The following ATP8A2 variants were observed in gnomAD, a reference collection of about 807,000 sequenced individuals.
ATP8A2 encodes phospholipid-transporting ATPase IB.
In ATP8A2, 100 loss-of-function variants were observed where a neutral mutation model predicts 165.6. That is an observed-to-expected ratio of 0.60 (90% CI 0.51 to 0.71). The LOEUF (loss-of-function observed/expected upper bound fraction) is 0.71, where lower values mean the gene tolerates loss of function less well. ATP8A2 is among the 30% of genes least tolerant of loss of function. The pLI, the probability that ATP8A2 is intolerant of heterozygous loss-of-function variation, is 0.00. For missense variants in ATP8A2, 1,227 were observed against 1,479.5 expected (o/e 0.83, Z 2.80); for synonymous variants, 543 against 548.8 (o/e 0.99, Z 0.15).
Position 25,760,205 on chromosome 13 carries a change from A to T in ATP8A2, c.2385-8841A>T, listed in dbSNP as rs573396983. Among the ~76,000 whole-genome samples, 16 of 152,266 alleles carry T rather than the reference A, an allele frequency of 1.1e-4. No homozygotes were observed. In the East Asian group the frequency reaches 3.1e-3, roughly 29 times the overall value. ...ATATCAAGTTGCCCTCACCACTAAC[A>T]ACTGTAGGATAGCTGACCTGTAACT... On this transcript the variant is annotated intron_variant, in intron 25 of 36. Transcript: ENST00000381655.
At chr13:26,007,964 G>C (rs1467711225) in intron 35 of ATP8A2, among the ~76,000 whole-genome samples, 1 of 152,152 alleles carries the variant, frequency 6.6e-6, no homozygotes, top group Non-Finnish European at 1.5e-5. Flanking sequence ...GAGTCATCCT[G>C]TGTGCCCAGG....
chr13:25,888,091 G>T (rs1953225634), intron 33 of ATP8A2, among the ~76,000 whole-genome samples: 1 of 43,036 alleles, frequency 2.3e-5, no homozygotes, highest in Admixed American at 2.8e-4. Flanking sequence ...CCCACCCCCA[G>T]AGAACACTGG....
chr13:25,775,891 A>T (rs573392256), intron 27 of ATP8A2, among the ~76,000 whole-genome samples: 1 of 152,318 alleles, frequency 6.6e-6, no homozygotes, highest in Admixed American at 6.5e-5. Flanking sequence ...TATTAATAAC[A>T]AGTGCCTTGC....
intron 35 of ATP8A2, among the ~76,000 whole-genome samples, chr13:25,999,344 A>G (rs769137557): frequency 1.2e-4 from 18 of 152,204 alleles, no homozygotes; most frequent in Non-Finnish European, 7.4e-5. Context: ...CCAAAGTTGC[A>G]TCTCAGCTTT....
chr13:25,454,646 G>A (rs1000037750), intron 1 of ATP8A2, among the ~76,000 whole-genome samples: 20 of 152,226 alleles, frequency 1.3e-4, no homozygotes, highest in Admixed American at 4.6e-4. Flanking sequence ...GGCTTTGGCC[G>A]GGCGCGGTGG....
intron 27 of ATP8A2, among the ~76,000 whole-genome samples, chr13:25,799,382 G>T (rs1950570226): frequency 6.6e-6 from 1 of 152,146 alleles, no homozygotes. Context: ...TGATCTTCTT[G>T]TGCCTGCTGT....
At chr13:25,662,467 C>T (rs1431237722) in intron 24 of ATP8A2, among the ~76,000 whole-genome samples, 1 of 152,118 alleles carries the variant, frequency 6.6e-6, no homozygotes, top group Non-Finnish European at 1.5e-5. Context: ...CTAACTTTAC[C>T]TAGCGAATAT....
intron 28 of ATP8A2, among the ~76,000 whole-genome samples, chr13:25,836,551 A>G (rs1951613623): frequency 6.6e-6 from 1 of 152,156 alleles, no homozygotes; most frequent in Admixed American, 6.5e-5. Context: ...ATAGTTTTGC[A>G]GAGCTCCGCG....
intron 33 of ATP8A2, among the ~76,000 whole-genome samples, chr13:25,904,967 G>A (rs1199913428): frequency 6.6e-6 from 1 of 152,148 alleles, no homozygotes; most frequent in Non-Finnish European, 1.5e-5. Flanking sequence ...AAGTTTTTCC[G>A]AGTATTCAGT....
chr13:25,412,200 C>T (rs532262859), intron 1 of ATP8A2, among the ~76,000 whole-genome samples: 3 of 152,108 alleles, frequency 2.0e-5, no homozygotes, highest in Non-Finnish European at 2.9e-5. Flanking sequence ...TGTAAATGAA[C>T]AACTCTATAT....
chr13:25,498,166 G>A (rs1050080262), intron 2 of ATP8A2, among the ~76,000 whole-genome samples: 8 of 152,210 alleles, frequency 5.3e-5, no homozygotes, highest in African/African-American at 9.7e-5. Context: ...AATAGGGTGA[G>A]ACTTGCAGTG....
At chr13:25,768,459 A>G (rs1230210392) in intron 25 of ATP8A2, among the ~76,000 whole-genome samples, 3 of 151,984 alleles carry the variant, frequency 2.0e-5, no homozygotes, top group Admixed American at 6.6e-5. Context: ...CCTGACTCCC[A>G]TCCTAGATCC....
intron 2 of ATP8A2, among the ~76,000 whole-genome samples, chr13:25,514,065 T>C (rs1301031507): frequency 6.6e-6 from 1 of 152,186 alleles, no homozygotes; most frequent in East Asian, 1.9e-4. Context: ...GTATTTGTAC[T>C]ATTAAGTCTC....
At chr13:25,982,005 C>T (rs1372846128) in intron 35 of ATP8A2, among the ~76,000 whole-genome samples, 1 of 152,074 alleles carries the variant, frequency 6.6e-6, no homozygotes, top group Non-Finnish European at 1.5e-5. Context: ...ATTTTTAGTT[C>T]TCCCATATCT....
chr13:25,682,290 C>G (rs1008235825), intron 24 of ATP8A2, among the ~76,000 whole-genome samples: 3 of 152,210 alleles, frequency 2.0e-5, no homozygotes, highest in East Asian at 3.9e-4. Flanking sequence ...TGCCTCCCCC[C>G]TCCTCTGCAA....
In ATP8A2 at chr13:25,810,087, G is replaced by A. The variant is rs141415227; in HGVS notation, c.2680-18031G>A. On this transcript the variant is annotated intron_variant, in intron 27 of 36. Coordinates refer to ENST00000381655, the MANE Select transcript of ATP8A2 (RefSeq NM_016529.6). The stretch of plus-strand genomic sequence containing the variant: ...TTTTCCATTGGATTTTGAACCCCAG[G>A]AGAACAGTTGCCATAACAGCTTTCC... Among the ~76,000 whole-genome samples the A allele has an allele frequency of 5.1e-4, 78 of 152,242 alleles. 1 individual carries two copies. The highest frequency in any genetic ancestry group is 3.4e-3 in the Middle Eastern group (1 of 294).
intron 34 of ATP8A2, 152 bp downstream of exon 34, chr13:25,961,815 T>C (rs1955667187): frequency 1.6e-6 from 1 of 608,488 alleles, no homozygotes; most frequent in Non-Finnish European, 2.9e-6. Context: ...AAAAATTTTT[T>C]TAGTTTAACT....
intron 8 of ATP8A2, among the ~76,000 whole-genome samples, chr13:25,540,883 A>T (rs549587594): frequency 4.1e-4 from 61 of 148,550 alleles, no homozygotes; most frequent in Non-Finnish European, 7.1e-4. Context: ...TTTTTTTGAG[A>T]TGGAGCCTTG....
intron 33 of ATP8A2, among the ~76,000 whole-genome samples, chr13:25,898,707 AC>A: frequency 6.6e-6 from 1 of 152,056 alleles, no homozygotes; most frequent in Middle Eastern, 3.4e-3. Context: ...CACCTTGTTT[AC>A]CTACTCAAGC....
Sources: gnomAD v4.1 joint callset for allele counts (sites outside exome capture counted in the v4.1 genomes callset) on GRCh38, gnomAD v4.1.1 for gene constraint, MANE v1.5 for transcripts, NCBI Gene and HGNC (gene_info 2026-07-23, HGNC 2026-07-21) for gene names.